Variants in ELOVL3 observed in about 807,000 individuals in gnomAD.
ELOVL3 encodes ELOVL fatty acid elongase 3.
A neutral mutation model predicts 14.9 loss-of-function variants in ELOVL3; 11 were observed. The ratio of observed to expected loss-of-function variants is 0.74; its 90% confidence interval spans 0.46 to 1.22. ELOVL3 has a LOEUF of 1.22. Ranked by LOEUF, ELOVL3 falls within the 50% of genes most tolerant of loss-of-function variation. The pLI is 0.00. For synonymous variants in ELOVL3, 117 were observed against 124.7 expected (o/e 0.94, Z 0.41); for missense variants, 277 against 338.9 (o/e 0.82, Z 1.43).
At chr10:102,228,738 T>G in intron 3 of ELOVL3, 87 bp from the exon 4 acceptor site, 4 of 1,462,376 alleles carry the variant, frequency 2.7e-6, no homozygotes, top group Non-Finnish European at 3.7e-6. Context: ...TTCCCTCCCC[T>G]GAGAATTTCT....
intron 3 of ELOVL3, 75 bp from the exon 4 acceptor site, chr10:102,228,750 C>T (rs2070163056): frequency 2.7e-6 from 4 of 1,487,458 alleles, no homozygotes; most frequent in Admixed American, 3.7e-5. Flanking sequence ...AGAATTTCTC[C>T]CGTGTCCCTA....
chr10:102,228,721 G>A (rs947679980), intron 3 of ELOVL3, 104 bp from the exon 4 acceptor site: 19 of 1,429,734 alleles, frequency 1.3e-5, no homozygotes, highest in Middle Eastern at 1.8e-4. Flanking sequence ...CTGCCACAAA[G>A]ACCCCCTTCC....
chr10:102,227,156 G>C (rs2070142724), intron 1 of ELOVL3, among the ~76,000 whole-genome samples: 1 of 152,090 alleles, frequency 6.6e-6, no homozygotes, highest in Non-Finnish European at 1.5e-5. Context: ...AGAGGTTTTG[G>C]AGGCTGACTT....
Position 102,228,806 on chromosome 10 carries a change from A to C in ELOVL3, c.386-19A>C. 6.3e-7 allele frequency: 1 copy of C among 1,594,180 alleles called. No individual in the cohort carries two copies. The highest frequency in any genetic ancestry group is 8.6e-7 in the Non-Finnish European group (1 of 1,168,780). ...CCCAGCACTGGGTGGTATGCCAACTATGACTCTCCATCTCCCAGGAGACAC... is the reference window on the plus strand; with the variant it reads ...CCCAGCACTGGGTGGTATGCCAACTCTGACTCTCCATCTCCCAGGAGACAC... On this transcript the variant is annotated intron_variant, in intron 3 of 3. Coordinates refer to ENST00000370005, the MANE Select transcript of ELOVL3 (RefSeq NM_152310.3).
At position 102,227,701 on chromosome 10, in the gene ELOVL3, G is replaced by A. The variant is rs1182344675; in HGVS notation, c.177G>A (p.Lys59=). ...GGCAGAACTACATGAAGGAACGCAAGGGCTTCAACCTGCAAGGGCCTCTCA... is the reference window on the plus strand; with the variant it reads ...GGCAGAACTACATGAAGGAACGCAAAGGCTTCAACCTGCAAGGGCCTCTCA... ...AVGQNYMKER[K]GFNLQGPLIL... The change falls in exon 2 of 4, where the codon AAG becomes AAA. Residue 59 remains lysine (K), a synonymous_variant. Coordinates refer to ENST00000370005, the MANE Select transcript of ELOVL3 (RefSeq NM_152310.3). 2 of 1,613,562 alleles carry A rather than the reference G, an allele frequency of 1.2e-6. No individual in the cohort carries two copies. Among genetic ancestry groups the A allele is most frequent in the Non-Finnish European group, 1.7e-6 (2 of 1,179,908 alleles).
At position 102,229,287 on chromosome 10, in the gene ELOVL3, T is replaced by A. The variant is rs554669759; in HGVS notation, c.*35T>A. 6.4e-7 allele frequency: 1 copy of A among 1,561,002 alleles called. No homozygotes were observed. The highest frequency in any genetic ancestry group is 1.2e-5 in the South Asian group (1 of 82,762). On this transcript the variant is annotated 3_prime_UTR_variant, in exon 4 of 4. Transcript: ENST00000370005. ...GAGAACAATGAAGCTCCAGGCTCTC[T>A]CTTCTCCAGGGCACCAAGAGGCTGG... is the stretch of plus-strand genomic sequence containing the variant.
At chr10:102,227,254 G>C (rs997166915) in intron 1 of ELOVL3, among the ~76,000 whole-genome samples, 1 of 152,034 alleles carries the variant, frequency 6.6e-6, no homozygotes, top group Admixed American at 6.5e-5. Flanking sequence ...GCTTCTAGGA[G>C]CCCCAACCAG....
Position 102,229,346 on chromosome 10 carries a change from C to A in ELOVL3, c.*94C>A. On this transcript the variant is annotated 3_prime_UTR_variant, in exon 4 of 4. Transcript: ENST00000370005. ...TTGGGAGAATGATTAGGTTGCCTTA[C>A]CTGCATGGTTTCCCCAGAGGATGTG... 8.0e-7 allele frequency: 1 copy of A among 1,250,022 alleles called. No individual in the cohort carries two copies. Among genetic ancestry groups the A allele is most frequent in the Non-Finnish European group, 1.1e-6 (1 of 912,532 alleles). The allele number at this position is 1,250,022 out of a possible 1,614,324, so 77.4% of individuals were successfully genotyped here.
upstream of ELOVL3, among the ~76,000 whole-genome samples, chr10:102,226,080 C>CAGTT (rs2070132500): frequency 1.3e-5 from 2 of 152,196 alleles, no homozygotes; most frequent in African/African-American, 4.8e-5. Context: ...CCACGGTTGA[C>CAGTT]AGTTCCAAGG....
upstream of ELOVL3, among the ~76,000 whole-genome samples, chr10:102,225,711 C>T (rs958490074): frequency 8.1e-4 from 124 of 152,274 alleles, no homozygotes; most frequent in African/African-American, 2.8e-3. Context: ...CATTTCCTCT[C>T]TCCATGGTTA....
At position 102,226,500 on chromosome 10, in the gene ELOVL3, C is replaced by T. The variant is rs772850071; in HGVS notation, c.-49C>T. On this transcript the variant is annotated 5_prime_UTR_variant, in exon 1 of 4. Coordinates refer to ENST00000370005, the MANE Select transcript of ELOVL3 (RefSeq NM_152310.3). ...TTCACGCCATCCTCGGAGCCCCAGC[C>T]TTTCACCCAGCGCCTCCAAGCTTTG... 2 of 1,387,254 alleles carry T rather than the reference C, an allele frequency of 1.4e-6. No homozygotes were observed. The highest frequency in any genetic ancestry group is 2.3e-5 in the South Asian group (2 of 85,852). 85.9% of individuals were successfully genotyped at this position (1,387,254 alleles called of 1,614,324 possible).
chr10:102,228,291 C>A, intron 2 of ELOVL3, 126 bp from the exon 3 acceptor site: 3 of 980,690 alleles, frequency 3.1e-6, no homozygotes, highest in Non-Finnish European at 4.5e-6. Flanking sequence ...AGCTTTGACC[C>A]ACCCCCTGTG....
chr10:102,229,228 C>A lies in ELOVL3; in HGVS notation c.789C>A (p.Val263=). The change falls in exon 4 of 4, where the codon GTC becomes GTA. Residue 263 remains valine, a synonymous_variant. Transcript: ENST00000370005. ...FFCQTYIRPK[V]KAKTKSQ ...GCCAGACCTACATCAGGCCCAAGGTCAAAGCCAAGACCAAGAGCCAGTGAA... is the reference window on the plus strand; with the variant it reads ...GCCAGACCTACATCAGGCCCAAGGTAAAAGCCAAGACCAAGAGCCAGTGAA... 1 of 1,612,122 alleles carries A rather than the reference C, an allele frequency of 6.2e-7. No individual in the cohort carries two copies. The highest frequency in any genetic ancestry group is 1.1e-5 in the South Asian group (1 of 90,776).
Position 102,227,626 on chromosome 10 carries a change from G to A in ELOVL3, c.102G>A (p.Trp34Ter), listed in dbSNP as rs760858592. Residue 34 changes from tryptophan (W) to a stop codon, truncating the protein, a stop_gained and splice_region_variant, in exon 2 of 4, where the codon TGG becomes TGA. Transcript: ENST00000370005. LOFTEE classifies it high-confidence loss of function. ...CATCCCTCTGCCTTCTGCTTGCCAG[G>A]GCAACCTCATTCCCCATAGCCCTGA... is the stretch of plus-strand genomic sequence containing the variant. ...KDMRPFFEEY[W>*]ATSFPIALIY... 9.3e-6 allele frequency: 15 copies of A among 1,612,236 alleles called. No homozygotes were observed. The East Asian group carries it at 2.5e-4, about 26-fold the overall frequency.
upstream of ELOVL3, chr10:102,226,248 C>A: frequency 3.3e-6 from 1 of 305,158 alleles, no homozygotes. Context: ...GGACTGCGTC[C>A]CAGGGGCGGA....
chr10:102,228,140 C>T (rs1003132174), intron 2 of ELOVL3, among the ~76,000 whole-genome samples: 1 of 152,124 alleles, frequency 6.6e-6, no homozygotes, highest in Non-Finnish European at 1.5e-5. Flanking sequence ...ACATCTCCTC[C>T]CAGGCTCCTA....
At chr10:102,228,130 A>G (rs566468426) in intron 2 of ELOVL3, among the ~76,000 whole-genome samples, 1 of 151,860 alleles carries the variant, frequency 6.6e-6, no homozygotes, top group African/African-American at 2.4e-5. Flanking sequence ...ATCCCTCTAC[A>G]CATCTCCTCC....
chr10:102,229,042 C>A lies in ELOVL3; in HGVS notation c.603C>A (p.Leu201=), dbSNP rs772569343. ...AGCCCCCCAAGATGCTGCCCATGCT[C>A]ATCACCAGCCTGCAGATCTTGCAGA... ...NVKPPKMLPM[L]ITSLQILQMF... The change falls in exon 4 of 4, where the codon CTC becomes CTA. Residue 201 remains leucine (L), a synonymous_variant. Transcript: ENST00000370005. The A allele has an allele frequency of 3.7e-6, 6 of 1,614,228 alleles. No homozygotes were observed. Among genetic ancestry groups the A allele is most frequent in the Non-Finnish European group, 5.1e-6 (6 of 1,180,042 alleles).
rs1171279934 is a variant in ELOVL3 at position 102,228,985 on chromosome 10, C to T, written c.546C>T (p.Tyr182=). The T allele has an allele frequency of 6.2e-7, 1 of 1,614,196 alleles. No homozygotes were observed. Among genetic ancestry groups the T allele is most frequent in the Admixed American group, 1.7e-5 (1 of 60,020 alleles). The change falls in exon 4 of 4, where the codon TAC becomes TAT. Residue 182 remains tyrosine, a synonymous_variant. Coordinates refer to ENST00000370005, the MANE Select transcript of ELOVL3 (RefSeq NM_152310.3). ...ACTTTGGTGTTCATGCCATCATGTA[C>T]ACCTACTACACTCTGAAGGCTGCCA... is the stretch of plus-strand genomic sequence containing the variant. ...TMNFGVHAIM[Y]TYYTLKAANV...
Sources: gnomAD v4.1 joint callset for allele counts (sites outside exome capture counted in the v4.1 genomes callset) on GRCh38, gnomAD v4.1.1 for gene constraint, MANE v1.5 for transcripts, NCBI Gene and HGNC (gene_info 2026-07-23, HGNC 2026-07-21) for gene names.